The following ANXA9 variants were observed in gnomAD, a reference collection of about 807,000 sequenced individuals.
ANXA9 encodes annexin A9, also known as annexin 31.
ANXA9 carries 47 observed loss-of-function variants against 51.8 expected under a neutral mutation model. The ratio of observed to expected loss-of-function variants is 0.91; its 90% CI spans 0.72 to 1.16. The LOEUF is 1.16. Ranked by LOEUF, ANXA9 falls within the 50% of genes most tolerant of loss-of-function variation. The probability of loss-of-function intolerance (pLI) is 0.00; values close to 1 mark genes in which losing one functional copy is unlikely to be tolerated. For synonymous variants in ANXA9, 154 were observed against 168.7 expected, an observed-to-expected ratio of 0.91 and a Z score of 0.68; for missense variants, 361 against 424.7, an observed-to-expected ratio of 0.85 and a Z score of 1.32.
intron 12 of ANXA9, among the ~76,000 whole-genome samples, chr1:150,990,589 G>A (rs1558040931): frequency 6.6e-6 from 1 of 152,354 alleles, no homozygotes; most frequent in East Asian, 1.9e-4. Context: ...GCGCATGCCT[G>A]TAATCCCAGG....
intron 3 of ANXA9, 65 bp from the exon 4 acceptor site, chr1:150,983,273 G>A: frequency 6.2e-7 from 1 of 1,600,194 alleles, no homozygotes; most frequent in Non-Finnish European, 8.5e-7. Context: ...CAGGCCCTGA[G>A]GTTATGCTGA....
Position 150,995,593 on chromosome 1 carries a change from C to T in ANXA9, c.*271C>T, listed in dbSNP as rs1486577643. On this transcript the variant is annotated 3_prime_UTR_variant, in exon 14 of 14. Transcript: ENST00000368947. Reference sequence around the variant, plus strand: ...CTGCCTCACTCATCCCTCCTGTACCCTGGCCAGAACATCTCACTGATACTC... The same window carrying T: ...CTGCCTCACTCATCCCTCCTGTACCTTGGCCAGAACATCTCACTGATACTC... 2.8e-6 allele frequency: 1 copy of T among 356,832 alleles called. No homozygotes were observed. The highest frequency in any genetic ancestry group is 4.5e-5 in the East Asian group (1 of 22,308). The allele number at this position is 356,832 out of a possible 1,614,324, so 22.1% of individuals were successfully genotyped here.
chr1:150,994,531 G>A, intron 12 of ANXA9, 46 bp from the exon 13 acceptor site: 1 of 1,609,314 alleles, frequency 6.2e-7, no homozygotes, highest in Non-Finnish European at 8.5e-7. Flanking sequence ...CCTACTCTCA[G>A]TGAGACTCTC....
Position 150,984,392 on chromosome 1 carries a change from A to G in ANXA9, c.379A>G (p.Lys127Glu). The G allele has an allele frequency of 1.2e-6, 2 of 1,613,996 alleles. No homozygotes were observed. Among genetic ancestry groups the G allele is most frequent in the Non-Finnish European group, 1.7e-6 (2 of 1,179,908 alleles). Residue 127 changes from lysine to glutamate, a missense_variant and splice_region_variant, in exon 6 of 14, where the codon AAG (lysine) becomes GAG (glutamate). By Grantham distance (56) the Lys-to-Glu change is moderately conservative (BLOSUM62 1). Transcript: ENST00000368947. ...CGCCCAGGAATTGAGGACAGCTCTGAAGGTAGCAGGAGGGGAGACTTGCTG... is the reference window on the plus strand; with the variant it reads ...CGCCCAGGAATTGAGGACAGCTCTGGAGGTAGCAGGAGGGGAGACTTGCTG... ...FDAQELRTALKASDSAVDVAI... is the reference protein window; with the variant it reads ...FDAQELRTALEASDSAVDVAI...
At position 150,986,408 on chromosome 1, in the gene ANXA9, T is replaced by C; in HGVS notation, c.545T>C (p.Leu182Pro). Residue 182 changes from leucine (L) to proline (P), a missense_variant, in exon 8 of 14, where the codon CTG (leucine) becomes CCG (proline). By Grantham distance (98) the Leu-to-Pro change is moderately conservative. Transcript: ENST00000368947. ...SGILQDLLLA[L>P]AKGGRDSYSG... is the part of the protein sequence containing the mutation. Reference sequence around the variant, plus strand: ...ATCTTGCAGGACCTGCTGTTGGCCCTGGCCAAGGTGAGGAGGACTGACCTG... The same window carrying C: ...ATCTTGCAGGACCTGCTGTTGGCCCCGGCCAAGGTGAGGAGGACTGACCTG... 4.3e-6 allele frequency: 7 copies of C among 1,614,020 alleles called. No individual in the cohort carries two copies. The highest frequency in any genetic ancestry group is 5.9e-6 in the Non-Finnish European group (7 of 1,179,900).
Position 150,988,179 on chromosome 1 carries a change from C to G in ANXA9, c.786C>G (p.Leu262=). The change falls in exon 11 of 14, where the codon CTC becomes CTG. Residue 262 remains leucine (L), a synonymous_variant. Coordinates refer to ENST00000368947, the MANE Select transcript of ANXA9 (RefSeq NM_003568.3). ...ATGGAGATGCTCAGGTGGCTCTGCT[C>G]GGCCTAGGTAGGGGCCTGCTCAGGA... ...RFHGDAQVAL[L]GLASVIKNTP... The G allele has an allele frequency of 1.2e-6, 2 of 1,614,180 alleles. No homozygotes were observed. The highest frequency in any genetic ancestry group is 2.2e-5 in the South Asian group (2 of 91,072).
chr1:150,995,241 T>G lies in ANXA9; in HGVS notation c.976-19T>G, dbSNP rs781162441. ...TAGTGGTGGTGGATCTTTCTAACACTGAATTCCCTTGTCTGCAGGATGCAG... is the reference window on the plus strand; with the variant it reads ...TAGTGGTGGTGGATCTTTCTAACACGGAATTCCCTTGTCTGCAGGATGCAG... On this transcript the variant is annotated intron_variant, in intron 13 of 13. Transcript: ENST00000368947. The G allele has an allele frequency of 6.2e-7, 1 of 1,606,698 alleles. No individual in the cohort carries two copies. Among genetic ancestry groups the G allele is most frequent in the Non-Finnish European group, 8.5e-7 (1 of 1,175,942 alleles).
At chr1:150,988,941 C>T (rs1282151442) in intron 12 of ANXA9, among the ~76,000 whole-genome samples, 1 of 151,980 alleles carries the variant, frequency 6.6e-6, no homozygotes, top group Admixed American at 6.6e-5. Flanking sequence ...CCTTTCTCCA[C>T]GCTGGTCAGA....
chr1:150,995,188 C>CA (rs1407325665), intron 13 of ANXA9, 72 bp from the exon 14 acceptor site: 71 of 1,500,168 alleles, frequency 4.7e-5, no homozygotes, highest in Non-Finnish European at 6.4e-5. Flanking sequence ...TGGACCAGCC[C>CA]AAAGGAGGGG....
chr1:150,993,937 T>A (rs1671771030), intron 12 of ANXA9, among the ~76,000 whole-genome samples: 1 of 152,154 alleles, frequency 6.6e-6, no homozygotes, highest in South Asian at 2.1e-4. Flanking sequence ...CCTGGCCTGT[T>A]ATTTCTAAAC....
At chr1:150,993,785 C>G (rs1671765952) in intron 12 of ANXA9, among the ~76,000 whole-genome samples, 1 of 151,894 alleles carries the variant, frequency 6.6e-6, no homozygotes, top group African/African-American at 2.4e-5. Context: ...CAGGCACCCA[C>G]CACCATGCCT....
chr1:150,987,378 TCTCA>T (rs139411090), intron 9 of ANXA9, among the ~76,000 whole-genome samples: 1,615 of 64,186 alleles, frequency 0.025, 17 homozygotes, highest in African/African-American at 0.063. Flanking sequence ...TCTCTCTCTC[TCTCA>T]CACACACACA....
chr1:150,987,380 T>TCA (rs10561525), intron 9 of ANXA9, among the ~76,000 whole-genome samples: 41 of 138,646 alleles, frequency 3.0e-4, no homozygotes, highest in African/African-American at 8.3e-4. Flanking sequence ...TCTCTCTCTC[T>TCA]CACACACACA....
Position 150,994,623 on chromosome 1 carries a change from G to C in ANXA9, c.899G>C (p.Arg300Pro). 6.2e-7 allele frequency: 1 copy of C among 1,613,860 alleles called. No homozygotes were observed. Among genetic ancestry groups the C allele is most frequent in the Non-Finnish European group, 8.5e-7 (1 of 1,179,942 alleles). The change falls in exon 13 of 14, where the codon CGA (arginine) becomes CCA (proline). Residue 300 changes from arginine to proline, a missense_variant. Coordinates refer to ENST00000368947, the MANE Select transcript of ANXA9 (RefSeq NM_003568.3). ...GTCCTGATTCGCATCCTTATCTCTC[G>C]ATGTGAGACTGACCTTCTGAGTATC... ...YQVLIRILIS[R>P]CETDLLSIRA...
chr1:150,995,536 GGT>G lies in ANXA9; in HGVS notation c.*218_*219del. The stretch of plus-strand genomic sequence containing the variant: ...ACCTGGGTCATCCAGCTCCTTCTTG[GGT>G]GTGGGGAAATGAGTTTTCTTTGATA... On this transcript the variant is annotated 3_prime_UTR_variant, in exon 14 of 14. Coordinates refer to ENST00000368947, the MANE Select transcript of ANXA9 (RefSeq NM_003568.3). 2 of 476,852 alleles carry G rather than the reference GGT, an allele frequency of 4.2e-6. No individual in the cohort carries two copies. The highest frequency in any genetic ancestry group is 7.3e-6 in the Non-Finnish European group (2 of 272,296). The allele number at this position is 476,852 out of a possible 1,614,324, so 29.5% of individuals were successfully genotyped here. A position where few individuals can be genotyped will look rare whatever the true frequency, so the allele number is the denominator to read the frequency against.
At chr1:150,986,748 C>T (rs1178327170) in intron 9 of ANXA9, 87 bp downstream of exon 9, 5 of 1,348,076 alleles carry the variant, frequency 3.7e-6, no homozygotes, top group Non-Finnish European at 3.0e-6. Flanking sequence ...GACCTACGTG[C>T]CCATTTTTCC....
chr1:150,993,721 G>A (rs539118), intron 12 of ANXA9, among the ~76,000 whole-genome samples: 101,745 of 147,312 alleles, frequency 0.69, 39,603 homozygotes, highest in South Asian at 0.87. Flanking sequence ...TGCAACCTCC[G>A]CCTCCTGGGT....
rs1671830237 is a variant in ANXA9 at position 150,995,568 on chromosome 1, C to T, written c.*246C>T. 1 of 447,624 alleles carries T rather than the reference C, an allele frequency of 2.2e-6. No homozygotes were observed. The highest frequency in any genetic ancestry group is 2.0e-5 in the African/African-American group (1 of 48,874). The allele number at this position is 447,624 out of a possible 1,614,324, so 27.7% of individuals were successfully genotyped here. A position where few individuals can be genotyped will look rare whatever the true frequency, so the allele number is the denominator to read the frequency against. ...GGAAATGAGTTTTCTTTGATAGTTT[C>T]TGCCTCACTCATCCCTCCTGTACCC... On this transcript the variant is annotated 3_prime_UTR_variant, in exon 14 of 14. Coordinates refer to ENST00000368947, the MANE Select transcript of ANXA9 (RefSeq NM_003568.3).
chr1:150,990,162 T>G (rs900779770), intron 12 of ANXA9, among the ~76,000 whole-genome samples: 1 of 151,060 alleles, frequency 6.6e-6, no homozygotes, highest in Non-Finnish European at 1.5e-5. Flanking sequence ...AAGAAGAAAA[T>G]TTGCCAGGCA....
Sources: gnomAD v4.1 joint callset for allele counts (sites outside exome capture counted in the v4.1 genomes callset) on GRCh38, gnomAD v4.1.1 for gene constraint, MANE v1.5 for transcripts, NCBI Gene and HGNC (gene_info 2026-07-23, HGNC 2026-07-21) for gene names.